Variants in BICC1 observed in about 807,000 individuals in gnomAD.
The protein encoded by BICC1 is protein bicaudal C homolog 1.
Under a neutral mutation model 111.0 loss-of-function variants are expected in BICC1, and 43 were observed. The ratio of observed to expected loss-of-function variants is 0.39; its 90% CI spans 0.30 to 0.50. The LOEUF is 0.50. Ranked by LOEUF, BICC1 falls within the 20% of genes least tolerant of loss-of-function variation. The probability of loss-of-function intolerance (pLI) is 0.88; values close to 1 mark genes in which losing one functional copy is unlikely to be tolerated. For synonymous variants in BICC1, 467 were observed against 434.4 expected, an observed-to-expected ratio of 1.07 and a Z score of -0.93; for missense variants, 1,091 against 1,203.2, an observed-to-expected ratio of 0.91 and a Z score of 1.38.
chr10:58,631,274 C>T (rs1465735812), intron 2 of BICC1, among the ~76,000 whole-genome samples: 5 of 152,010 alleles, frequency 3.3e-5, no homozygotes, highest in Non-Finnish European at 2.9e-5. Context: ...TTACTCTATG[C>T]CTCTCTAAGT....
intron 2 of BICC1, among the ~76,000 whole-genome samples, chr10:58,662,553 G>GA (rs1381941866): frequency 6.6e-6 from 1 of 152,064 alleles, no homozygotes; most frequent in Non-Finnish European, 1.5e-5. Context: ...CTCGAAAGGT[G>GA]AAAAAAGTTC....
At chr10:58,753,444 C>T (rs1842047006) in intron 3 of BICC1, among the ~76,000 whole-genome samples, 1 of 152,144 alleles carries the variant, frequency 6.6e-6, no homozygotes, top group African/African-American at 2.4e-5. Context: ...GCTGGGATTA[C>T]AGGTATAAGC....
At chr10:58,625,119 A>G (rs1845948226) in intron 2 of BICC1, among the ~76,000 whole-genome samples, 2 of 152,182 alleles carry the variant, frequency 1.3e-5, no homozygotes, top group Non-Finnish European at 2.9e-5. Context: ...GCGGGAATGG[A>G]TATAACTTTA....
chr10:58,614,125 T>C (rs944835070), intron 1 of BICC1, among the ~76,000 whole-genome samples: 1 of 152,134 alleles, frequency 6.6e-6, no homozygotes, highest in African/African-American at 2.4e-5. Context: ...ACTCTCAAAT[T>C]TGGGCTCAGA....
At chr10:58,722,672 A>G (rs186211407) in intron 3 of BICC1, among the ~76,000 whole-genome samples, 89 of 152,340 alleles carry the variant, frequency 5.8e-4, no homozygotes, top group Admixed American at 4.8e-3. Flanking sequence ...CTAGAGGACA[A>G]TGATCAGAAA....
At chr10:58,801,391 C>G (rs751839988) in intron 14 of BICC1, among the ~76,000 whole-genome samples, 1 of 152,096 alleles carries the variant, frequency 6.6e-6, no homozygotes. Context: ...ACTGTGAATT[C>G]TCCTTCATTT....
chr10:58,657,013 A>G (rs770504991), intron 2 of BICC1, among the ~76,000 whole-genome samples: 2 of 152,050 alleles, frequency 1.3e-5, no homozygotes, highest in African/African-American at 4.8e-5. Context: ...AGGCACTTCT[A>G]CCTTCTGCGC....
At chr10:58,726,919 CT>C in intron 3 of BICC1, among the ~76,000 whole-genome samples, 1 of 152,242 alleles carries the variant, frequency 6.6e-6, no homozygotes, top group African/African-American at 2.4e-5. Context: ...CAAAATGGAA[CT>C]TTTTCCTCCT....
At chr10:58,787,795 A>T (rs1462112945) in intron 5 of BICC1, among the ~76,000 whole-genome samples, 2 of 152,168 alleles carry the variant, frequency 1.3e-5, no homozygotes, top group African/African-American at 4.8e-5. Flanking sequence ...CAGAATATTT[A>T]AAAACTGGTA....
At chr10:58,781,765 G>A (rs1458110269) in intron 3 of BICC1, among the ~76,000 whole-genome samples, 2 of 151,980 alleles carry the variant, frequency 1.3e-5, no homozygotes, top group African/African-American at 4.8e-5. Context: ...ACAGAGACCT[G>A]TATTTCAGGA....
chr10:58,799,239 A>G lies in BICC1; in HGVS notation c.1712A>G (p.Asn571Ser), dbSNP rs764903373. 6.2e-6 allele frequency: 10 copies of G among 1,602,434 alleles called. No individual in the cohort carries two copies. In the East Asian group the frequency reaches 1.8e-4, roughly 29 times the overall value. Reference protein sequence around the residue: ...TEGKKISAALNGHAQSPDIKY... With the variant: ...TEGKKISAALSGHAQSPDIKY... ...GGCAAAAAAATCTCTGCTGCTTTAA[A>G]TGGACATGCACAGGTAATGGCCTTC... is the stretch of plus-strand genomic sequence containing the variant. The change falls in exon 12 of 21, where the codon AAT (asparagine) becomes AGT (serine). Residue 571 changes from asparagine to serine, a missense_variant. Around this residue, in one of 3 missense-constraint regions of BICC1, gnomAD observed 843 missense variants for 900.8 expected, o/e 0.94. Transcript: ENST00000373886.
chr10:58,629,961 C>T (rs1345509413), intron 2 of BICC1, among the ~76,000 whole-genome samples: 6 of 152,196 alleles, frequency 3.9e-5, no homozygotes, highest in Admixed American at 3.9e-4. Context: ...ATGATTATAG[C>T]TCCTACCTTG....
intron 1 of BICC1, among the ~76,000 whole-genome samples, chr10:58,610,284 C>G (rs1490022963): frequency 2.0e-5 from 3 of 152,084 alleles, no homozygotes; most frequent in African/African-American, 7.2e-5. Context: ...CTGTTGTGCC[C>G]TGAGTGTGAC....
Position 58,512,965 on chromosome 10 carries a change from G to A in BICC1, c.-179G>A, listed in dbSNP as rs1361225889. 1.4e-5 allele frequency among the ~76,000 whole-genome samples: 2 copies of A among 147,706 alleles called. No individual in the cohort carries two copies. The highest frequency in any genetic ancestry group is 3.0e-5 in the Non-Finnish European group (2 of 66,308). ...GTGGCGGGTGGCGTGGGCGGCGCCC[G>A]GGGCTGGGATGCGCCGGGGGCTCAG... On this transcript the variant is annotated 5_prime_UTR_variant, in exon 1 of 21. Transcript: ENST00000373886.
chr10:58,708,623 A>C (rs999829794), intron 3 of BICC1, among the ~76,000 whole-genome samples: 12 of 152,340 alleles, frequency 7.9e-5, no homozygotes, highest in Middle Eastern at 3.4e-3. Context: ...TGGTTGGACC[A>C]GGTGTGATGT....
rs530106598 is a variant in BICC1, at chr10:58,734,908, A to C, written c.307+32765A>C. Among the ~76,000 whole-genome samples, 252 of 152,286 alleles carry C rather than the reference A, an allele frequency of 1.7e-3. 4 individuals carry two copies. The South Asian group carries it at 0.018, about 11-fold the overall frequency. ...CAGCCTTGTGCATTTCCACATCTGC[A>C]AGCAAATTTGGTTTCTGTACTGTCC... On this transcript the variant is annotated intron_variant, in intron 3 of 20. Transcript: ENST00000373886.
intron 2 of BICC1, among the ~76,000 whole-genome samples, chr10:58,691,198 T>A (rs966063736): frequency 1.2e-4 from 18 of 152,162 alleles, no homozygotes; most frequent in African/African-American, 4.3e-4. Context: ...TACAGTACAG[T>A]GTTGTTATCT....
At chr10:58,601,776 A>G (rs1845047929) in intron 1 of BICC1, among the ~76,000 whole-genome samples, 2 of 152,110 alleles carry the variant, frequency 1.3e-5, no homozygotes, top group South Asian at 4.1e-4. Flanking sequence ...ACAATCTTCA[A>G]CTGAGGTAAA....
chr10:58,683,160 A>T (rs1041343519), intron 2 of BICC1, among the ~76,000 whole-genome samples: 171 of 152,070 alleles, frequency 1.1e-3, no homozygotes, highest in Non-Finnish European at 1.9e-3. Context: ...CATTTCTTGT[A>T]TTTGTCAGCT....
Sources: gnomAD v4.1 joint callset for allele counts (sites outside exome capture counted in the v4.1 genomes callset) on GRCh38, gnomAD v4.1.1 for gene constraint, gnomAD v4.1.1 regional missense constraint, MANE v1.5 for transcripts, NCBI Gene and HGNC (gene_info 2026-07-23, HGNC 2026-07-21) for gene names.